PNLDC1: variants seen among roughly 807,000 people sequenced by gnomAD.
The protein encoded by PNLDC1 is PARN like ribonuclease domain containing exonuclease 1.
In PNLDC1, 70 loss-of-function variants were observed where a neutral mutation model predicts 82.0. The observed-to-expected ratio is 0.85, with a 90% CI of 0.70 to 1.04. The LOEUF (loss-of-function observed/expected upper bound fraction) is 1.04, where lower values mean the gene tolerates loss of function less well. Ranked by LOEUF, PNLDC1 falls within the 50% of genes least tolerant of loss-of-function variation. The pLI, the probability that PNLDC1 is intolerant of heterozygous loss-of-function variation, is 0.00. For synonymous variants in PNLDC1, 280 were observed against 249.3 expected, an observed-to-expected ratio of 1.12 and a Z score of -1.16; for missense variants, 631 against 661.1, an observed-to-expected ratio of 0.95 and a Z score of 0.50.
At position 159,819,139 on chromosome 6, in the gene PNLDC1, C is replaced by T. The variant is rs754199276; in HGVS notation, c.1433+18C>T. ...TTTAAGGAGTAGGTGCCTCTAAGTC[C>T]GCGTCCCCCACCCCTCGTGCGTTCA... On this transcript the variant is annotated intron_variant, in intron 17 of 18. Coordinates refer to ENST00000392167, the MANE Select transcript of PNLDC1 (RefSeq NM_001271862.2). The surrounding 1 kb of genome is among the most constrained non-coding windows in gnomAD (Gnocchi z 4.6). The T allele has an allele frequency of 2.2e-5, 36 of 1,612,452 alleles. No individual in the cohort carries two copies. The highest frequency in any genetic ancestry group is 1.8e-4 in the East Asian group (8 of 44,864).
At chr6:159,808,434 T>G (rs1254551436) in intron 7 of PNLDC1, among the ~76,000 whole-genome samples, 1 of 151,718 alleles carries the variant, frequency 6.6e-6, no homozygotes, top group African/African-American at 2.4e-5. Flanking sequence ...TCTTTAAATG[T>G]AAGAGTTTTA....
At chr6:159,804,225 C>A in intron 5 of PNLDC1, 137 bp downstream of exon 5, 1 of 1,049,644 alleles carries the variant, frequency 9.5e-7, no homozygotes, top group Non-Finnish European at 1.4e-6. Flanking sequence ...TTCAGCCTCC[C>A]AAGTAGCTGG....
chr6:159,801,745 C>T (rs1781265301), intron 3 of PNLDC1, among the ~76,000 whole-genome samples: 1 of 151,130 alleles, frequency 6.6e-6, no homozygotes, highest in African/African-American at 2.4e-5. Flanking sequence ...CACACCTGGC[C>T]TGTGATTTTT....
chr6:159,804,696 C>T (rs931708159), intron 6 of PNLDC1, 59 bp downstream of exon 6: 16 of 1,292,064 alleles, frequency 1.2e-5, no homozygotes, highest in South Asian at 2.5e-5. Flanking sequence ...CTGCATTTCC[C>T]GTGGGCGGGC....
Sources: allele counts gnomAD v4.1 joint callset (sites outside exome capture counted in the v4.1 genomes callset), GRCh38; gene constraint gnomAD v4.1.1; non-coding constraint Gnocchi (gnomAD v3.1); transcripts MANE v1.5; gene names NCBI Gene and HGNC (gene_info 2026-07-23, HGNC 2026-07-21).